Variants in GOLGA5 observed in about 807,000 individuals in gnomAD.
GOLGA5 encodes golgin subfamily A member 5.
A neutral mutation model predicts 93.5 loss-of-function variants in GOLGA5; 50 were observed. The observed-to-expected ratio is 0.53, with a 90% CI of 0.43 to 0.68. The LOEUF is 0.68. GOLGA5 is among the 30% of genes least tolerant of loss of function. GOLGA5 has a pLI of 0.00. For synonymous variants in GOLGA5, 312 were observed against 304.5 expected, an observed-to-expected ratio of 1.02 and a Z score of -0.26; for missense variants, 760 against 856.4, an observed-to-expected ratio of 0.89 and a Z score of 1.40.
intron 7 of GOLGA5, among the ~76,000 whole-genome samples, chr14:92,819,220 T>C (rs1256264144): frequency 6.6e-6 from 1 of 152,234 alleles, no homozygotes; most frequent in East Asian, 1.9e-4. Flanking sequence ...GCAGCAGCTG[T>C]AGCGCCCCAT....
chr14:92,810,232 C>G (rs770955506), intron 4 of GOLGA5, 22 bp from the exon 5 acceptor site: 1 of 1,580,536 alleles, frequency 6.3e-7, no homozygotes, highest in East Asian at 2.3e-5. Flanking sequence ...TGAGTTATTT[C>G]ACATGATGCA....
chr14:92,801,687 T>C (rs900489377), intron 2 of GOLGA5, among the ~76,000 whole-genome samples: 1 of 152,118 alleles, frequency 6.6e-6, no homozygotes, highest in African/African-American at 2.4e-5. Flanking sequence ...AAAGATATTT[T>C]TCTGTATTGT....
At chr14:92,826,010 G>T (rs1190712332) in intron 9 of GOLGA5, among the ~76,000 whole-genome samples, 1 of 151,624 alleles carries the variant, frequency 6.6e-6, no homozygotes, top group Non-Finnish European at 1.5e-5. Flanking sequence ...TTTTTAATTA[G>T]GTGCATGGTG....
At chr14:92,802,483 C>A (rs1241309292) in intron 2 of GOLGA5, among the ~76,000 whole-genome samples, 1 of 151,904 alleles carries the variant, frequency 6.6e-6, no homozygotes, top group Admixed American at 6.6e-5. Flanking sequence ...TTAAAAAATC[C>A]TTTTCTTCAT....
intron 11 of GOLGA5, among the ~76,000 whole-genome samples, chr14:92,837,025 C>T (rs1184583142): frequency 4.0e-5 from 6 of 151,600 alleles, no homozygotes; most frequent in African/African-American, 1.5e-4. Flanking sequence ...GGGCAGAGAT[C>T]GCGCCATTGC....
Position 92,837,379 on chromosome 14 carries a change from T to C in GOLGA5, c.2052-7T>C. 1 of 1,484,174 alleles carries C rather than the reference T, an allele frequency of 6.7e-7. No homozygotes were observed. The highest frequency in any genetic ancestry group is 1.1e-5 in the South Asian group (1 of 87,382). 91.9% of individuals were successfully genotyped at this position (1,484,174 alleles called of 1,614,324 possible). ...CTCCTCTCCCCCTCACACCTGTGTC[T>C]GCACAGTATTCGCCTGGGAATTTTT... On this transcript the variant is annotated splice_polypyrimidine_tract_variant and splice_region_variant and intron_variant, in intron 11 of 12. Coordinates refer to ENST00000163416, the MANE Select transcript of GOLGA5 (RefSeq NM_005113.4).
At chr14:92,799,933 G>A (rs534017750) in intron 2 of GOLGA5, among the ~76,000 whole-genome samples, 1 of 152,296 alleles carries the variant, frequency 6.6e-6, no homozygotes, top group East Asian at 1.9e-4. Context: ...GTTGATTATT[G>A]ATGGGAGATT....
intron 12 of GOLGA5, among the ~76,000 whole-genome samples, chr14:92,837,830 C>G (rs766810353): frequency 4.6e-5 from 7 of 152,156 alleles, no homozygotes; most frequent in Non-Finnish European, 1.0e-4. Context: ...TCTCAGAGTG[C>G]TGGGATTTCA....
chr14:92,820,422 C>T (rs879873561), intron 8 of GOLGA5, among the ~76,000 whole-genome samples: 1 of 152,244 alleles, frequency 6.6e-6, no homozygotes, highest in Non-Finnish European at 1.5e-5. Flanking sequence ...TCTCCTATCT[C>T]AGAATAGAAC....
At chr14:92,798,353 A>G (rs570779437) in intron 2 of GOLGA5, among the ~76,000 whole-genome samples, 14 of 152,370 alleles carry the variant, frequency 9.2e-5, no homozygotes, top group African/African-American at 3.1e-4. Context: ...GATTATAAAA[A>G]TGACAGGAGG....
chr14:92,810,433 TTATGC>T, intron 5 of GOLGA5, 56 bp downstream of exon 5: 1 of 1,367,248 alleles, frequency 7.3e-7, no homozygotes. Flanking sequence ...AAAAATGACT[TTATGC>T]TGTTTCATAG....
At chr14:92,823,385 C>T (rs11848189) in intron 8 of GOLGA5, among the ~76,000 whole-genome samples, 477 of 149,196 alleles carry the variant, frequency 3.2e-3, no homozygotes, top group Middle Eastern at 0.014. Context: ...ATGACCCGTT[C>T]TCCTTTTCAG....
intron 7 of GOLGA5, among the ~76,000 whole-genome samples, chr14:92,816,849 C>A (rs1313192505): frequency 5.3e-5 from 8 of 152,220 alleles, no homozygotes; most frequent in African/African-American, 1.7e-4. Context: ...GCTGTTGCAG[C>A]CCGTGCTGGG....
intron 7 of GOLGA5, 89 bp from the exon 8 acceptor site, chr14:92,819,619 G>A: frequency 2.3e-6 from 3 of 1,286,422 alleles, no homozygotes; most frequent in Non-Finnish European, 3.4e-6. Flanking sequence ...GGTGACGTGA[G>A]ACTCTGATTC....
rs1194163682 is a variant in GOLGA5, at chr14:92,837,356, C to G, written c.2052-30C>G. The G allele has an allele frequency of 3.5e-6, 4 of 1,134,332 alleles. No individual in the cohort carries two copies. The Admixed American group carries it at 5.8e-5, about 17-fold the overall frequency. 70.3% of individuals were successfully genotyped at this position (1,134,332 alleles called of 1,614,324 possible). A position where few individuals can be genotyped will look rare whatever the true frequency, so the allele number is the denominator to read the frequency against. On this transcript the variant is annotated intron_variant, in intron 11 of 12. Coordinates refer to ENST00000163416, the MANE Select transcript of GOLGA5 (RefSeq NM_005113.4). The stretch of plus-strand genomic sequence containing the variant: ...TGTTTTGACTGTGACTCTTCTCTCT[C>G]CTCTCCCCCTCACACCTGTGTCTGC...
intron 12 of GOLGA5, 38 bp downstream of exon 12, chr14:92,837,487 A>G (rs1471928634): frequency 2.4e-6 from 2 of 818,182 alleles, no homozygotes; most frequent in African/African-American, 2.5e-5. Context: ...GATGCACTTG[A>G]TTTTTAACTA....
rs752021322 is a variant in GOLGA5 at position 92,797,469 on chromosome 14, CAGA to C, written c.36_38del (p.Glu12del). 1 of 1,610,456 alleles carries C rather than the reference CAGA, an allele frequency of 6.2e-7. No homozygotes were observed. The highest frequency in any genetic ancestry group is 2.2e-5 in the East Asian group (1 of 44,872). On this transcript the variant is annotated inframe_deletion, in exon 2 of 13. Coordinates refer to ENST00000163416, the MANE Select transcript of GOLGA5 (RefSeq NM_005113.4). ...TGGTTTGTTGATCTTGCTGGAAAGGCAGAAGATCTTTTAAACCGAGTTGATCAA... is the reference window on the plus strand; with the variant it reads ...TGGTTTGTTGATCTTGCTGGAAAGGCAGATCTTTTAAACCGAGTTGATCAA...
At chr14:92,812,211 T>A (rs1459224862) in intron 6 of GOLGA5, among the ~76,000 whole-genome samples, 1 of 152,214 alleles carries the variant, frequency 6.6e-6, no homozygotes, top group Non-Finnish European at 1.5e-5. Flanking sequence ...TGAATTCTCT[T>A]TCCTTTGTCC....
rs149828336 is a variant in GOLGA5 at position 92,801,159 on chromosome 14, C to T, written c.544+3178C>T. 3.3e-5 allele frequency among the ~76,000 whole-genome samples: 5 copies of T among 152,244 alleles called. No individual in the cohort carries two copies. In the East Asian group the frequency reaches 9.7e-4, roughly 29 times the overall value. On this transcript the variant is annotated intron_variant, in intron 2 of 12. Transcript: ENST00000163416. ...AGTTGAGAACCAATGTCCTGAGATG[C>T]CTAGAAATGTGTAGAAATGGGATTG...
Sources: gnomAD v4.1 joint callset for allele counts (sites outside exome capture counted in the v4.1 genomes callset) on GRCh38, gnomAD v4.1.1 for gene constraint, MANE v1.5 for transcripts, NCBI Gene and HGNC (gene_info 2026-07-23, HGNC 2026-07-21) for gene names.